The following NMT1 variants were observed in gnomAD, a reference collection of about 807,000 sequenced individuals.
NMT1 encodes N-myristoyltransferase 1.
A neutral mutation model predicts 63.4 loss-of-function variants in NMT1; 12 were observed. The observed-to-expected ratio is 0.19, with a 90% CI of 0.12 to 0.31. The LOEUF (loss-of-function observed/expected upper bound fraction) is 0.31, where lower values mean the gene tolerates loss of function less well. Ranked by LOEUF, NMT1 falls within the 10% of genes least tolerant of loss-of-function variation. The probability of loss-of-function intolerance (pLI) is 1.00; values close to 1 mark genes in which losing one functional copy is unlikely to be tolerated. For synonymous variants in NMT1, 228 were observed against 234.3 expected, an observed-to-expected ratio of 0.97 and a Z score of 0.25; for missense variants, 432 against 634.6, an observed-to-expected ratio of 0.68 and a Z score of 3.43.
At chr17:45,064,736 T>A (rs1229580500) in intron 1 of NMT1, among the ~76,000 whole-genome samples, 1 of 152,064 alleles carries the variant, frequency 6.6e-6, no homozygotes. Context: ...GGCAGGAGAA[T>A]CACTTGAAAA....
intron 3 of NMT1, among the ~76,000 whole-genome samples, chr17:45,090,153 A>G (rs2054078762): frequency 6.6e-6 from 1 of 152,134 alleles, no homozygotes; most frequent in African/African-American, 2.4e-5. Flanking sequence ...ACATGGTAGC[A>G]CATGCCTATG....
At chr17:45,087,559 C>T (rs528414360) in intron 3 of NMT1, among the ~76,000 whole-genome samples, 1 of 152,306 alleles carries the variant, frequency 6.6e-6, no homozygotes, top group Non-Finnish European at 1.5e-5. Flanking sequence ...GCCAAGCCAA[C>T]CTTGATGGCT....
intron 1 of NMT1, among the ~76,000 whole-genome samples, chr17:45,072,308 G>T (rs912987596): frequency 6.6e-6 from 1 of 151,270 alleles, no homozygotes; most frequent in Non-Finnish European, 1.5e-5. Context: ...CACTCAGGCT[G>T]GAGTGCAGTA....
intron 2 of NMT1, chr17:45,083,773 C>T (rs1185859798): frequency 6.6e-6 from 1 of 152,100 alleles, no homozygotes; most frequent in African/African-American, 2.4e-5. Flanking sequence ...CCACGACACC[C>T]AGCTAATTTT....
chr17:45,061,667 A>G (rs927205577), intron 1 of NMT1: 4 of 525,138 alleles, frequency 7.6e-6, no homozygotes, highest in Non-Finnish European at 1.4e-5. Flanking sequence ...GACGTTCAGT[A>G]CTTTTATTAT....
Position 45,086,662 on chromosome 17 carries a change from T to A in NMT1, c.385+10T>A. On this transcript the variant is annotated intron_variant, in intron 3 of 11. Coordinates refer to ENST00000258960, the MANE Select transcript of NMT1 (RefSeq NM_021079.5). The stretch of plus-strand genomic sequence containing the variant: ...CCCGTCCCCAAGCTGGGTATGTACA[T>A]GCTTGCTTTCTTTGCCAGGTCAGGG... 3.1e-6 allele frequency: 5 copies of A among 1,599,312 alleles called. No individual in the cohort carries two copies. The highest frequency in any genetic ancestry group is 4.3e-6 in the Non-Finnish European group (5 of 1,173,942).
At chr17:45,085,997 A>G (rs570591567) in intron 2 of NMT1, among the ~76,000 whole-genome samples, 1 of 149,750 alleles carries the variant, frequency 6.7e-6, no homozygotes, top group South Asian at 2.1e-4. Flanking sequence ...AATTTTTTGT[A>G]TTTTAGTAGA....
chr17:45,097,747 C>T (rs577945675), intron 6 of NMT1, among the ~76,000 whole-genome samples: 1 of 152,248 alleles, frequency 6.6e-6, no homozygotes, highest in South Asian at 2.1e-4. Flanking sequence ...AGGGTTCAAA[C>T]GATTCTCCTG....
chr17:45,077,307 C>T (rs941383230), intron 1 of NMT1, among the ~76,000 whole-genome samples: 1 of 152,088 alleles, frequency 6.6e-6, no homozygotes, highest in Non-Finnish European at 1.5e-5. Flanking sequence ...TAATTTGTTC[C>T]ATAAGCTGTT....
Position 45,099,487 on chromosome 17 carries a change from A to G in NMT1, c.967A>G (p.Thr323Ala). 6.2e-7 allele frequency: 1 copy of G among 1,614,054 alleles called. No individual in the cohort carries two copies. Among genetic ancestry groups the G allele is most frequent in the Non-Finnish European group, 8.5e-7 (1 of 1,179,894 alleles). Residue 323 changes from threonine to alanine, a missense_variant, in exon 8 of 12, where the codon ACC becomes GCC. Coordinates refer to ENST00000258960, the MANE Select transcript of NMT1 (RefSeq NM_021079.5). ...GAGCAGAAATATGACCATGCAGCGC[A>G]CCATGAAGCTCTACCGACTGCCAGA... ...HLSRNMTMQRTMKLYRLPETP... is the reference protein window; with the variant it reads ...HLSRNMTMQRAMKLYRLPETP...
intron 1 of NMT1, among the ~76,000 whole-genome samples, chr17:45,063,730 C>T (rs1373608694): frequency 1.3e-5 from 2 of 151,432 alleles, no homozygotes; most frequent in East Asian, 3.9e-4. Context: ...ACCCCGTCTC[C>T]ACTAAAAATA....
At chr17:45,093,043 G>T (rs2054099926) in intron 3 of NMT1, among the ~76,000 whole-genome samples, 2 of 152,208 alleles carry the variant, frequency 1.3e-5, no homozygotes, top group African/African-American at 2.4e-5. Context: ...CACAGAGGAG[G>T]GGCCTATCCT....
Position 45,097,267 on chromosome 17 carries a change from ACC to A in NMT1, c.713+28_713+29del. The A allele has an allele frequency of 2.0e-6, 3 of 1,491,996 alleles. No homozygotes were observed. The South Asian group carries it at 3.4e-5, about 17-fold the overall frequency. The allele number at this position is 1,491,996 out of a possible 1,614,324, so 92.4% of individuals were successfully genotyped here. On this transcript the variant is annotated intron_variant, in intron 6 of 11. Transcript: ENST00000258960. Reference sequence around the variant, plus strand: ...CACGTAAGCACCTGCACCTACCCCCACCCCCCACAACACCGCCATCCTGCTTG... The same window carrying A: ...CACGTAAGCACCTGCACCTACCCCCACCCCACAACACCGCCATCCTGCTTG...
intron 6 of NMT1, 70 bp from the exon 7 acceptor site, chr17:45,098,312 A>G: frequency 6.8e-7 from 1 of 1,471,354 alleles, no homozygotes; most frequent in Admixed American, 1.8e-5. Flanking sequence ...GTGTGGCTGC[A>G]CGTGCTTGAT....
At chr17:45,065,727 G>GACA (rs2053898676) in intron 1 of NMT1, among the ~76,000 whole-genome samples, 1 of 150,984 alleles carries the variant, frequency 6.6e-6, no homozygotes, top group African/African-American at 2.4e-5. Flanking sequence ...TTTGCTTCTT[G>GACA]AAATGTTTTT....
chr17:45,095,635 G>C (rs2054120344), intron 4 of NMT1, among the ~76,000 whole-genome samples: 1 of 152,160 alleles, frequency 6.6e-6, no homozygotes. Flanking sequence ...AGCCGGACAT[G>C]GTAGTATGCC....
intron 1 of NMT1, among the ~76,000 whole-genome samples, chr17:45,073,909 T>C (rs6416903): frequency 1 from 152,233 of 152,298 alleles, 76,084 homozygotes; most frequent in Middle Eastern, 1. Context: ...CCCTCCCCTA[T>C]GATAGAGCTT....
intron 3 of NMT1, among the ~76,000 whole-genome samples, chr17:45,089,595 C>T (rs978729254): frequency 4.0e-5 from 6 of 151,756 alleles, no homozygotes; most frequent in Non-Finnish European, 8.8e-5. Context: ...GTGCCTTGGC[C>T]TCCCAAAGTG....
chr17:45,078,219 C>T (rs1458864396), intron 1 of NMT1, among the ~76,000 whole-genome samples: 3 of 152,150 alleles, frequency 2.0e-5, no homozygotes, highest in African/African-American at 4.8e-5. Context: ...TAAGAAGCCG[C>T]TGTTACTCTA....
Sources: gnomAD v4.1 joint callset for allele counts (sites outside exome capture counted in the v4.1 genomes callset) on GRCh38, gnomAD v4.1.1 for gene constraint, MANE v1.5 for transcripts, NCBI Gene and HGNC (gene_info 2026-07-23, HGNC 2026-07-21) for gene names.